The following SGK1 variants were observed in gnomAD, a reference collection of about 807,000 sequenced individuals.
The protein encoded by SGK1 is serum/glucocorticoid regulated kinase 1, also known as serine/threonine-protein kinase Sgk1.
A neutral mutation model predicts 64.2 loss-of-function variants in SGK1; 26 were observed. That is an observed-to-expected ratio of 0.40 (90% CI 0.30 to 0.56). The LOEUF is 0.56. SGK1 is among the 20% of genes least tolerant of loss of function. The pLI is 0.38. For missense variants in SGK1, 519 were observed against 645.6 expected, an observed-to-expected ratio of 0.80 and a Z score of 2.12; for synonymous variants, 265 against 239.7, an observed-to-expected ratio of 1.11 and a Z score of -0.98.
At chr6:134,170,482 C>T in intron 13 of SGK1, 47 bp from the exon 14 acceptor site, 1 of 1,552,332 alleles carries the variant, frequency 6.4e-7, no homozygotes, top group Non-Finnish European at 8.8e-7. Flanking sequence ...TCACACTAGA[C>T]ACAGGACAGG....
At chr6:134,296,760 A>G (rs1582770447) in intron 1 of SGK1, among the ~76,000 whole-genome samples, 1 of 115,788 alleles carries the variant, frequency 8.6e-6, no homozygotes, top group Admixed American at 1.0e-4. Flanking sequence ...GAGCTAGCTG[A>G]GGTTTTATTT....
Position 134,204,854 on chromosome 6 carries a change from C to T in SGK1, c.361+2502G>A, listed in dbSNP as rs546887791. 9.5e-4 allele frequency among the ~76,000 whole-genome samples: 145 copies of T among 152,078 alleles called. 1 individual carries two copies. Among genetic ancestry groups the T allele is most frequent in the Non-Finnish European group, 1.8e-3 (123 of 67,966 alleles). ...CAGGCATGAGCCACCACACCCAGCC[C>T]GTAACATAATTTATTTAGGCTTCAA... On this transcript the variant is annotated intron_variant, in intron 3 of 13. Transcript: ENST00000367858.
chr6:134,302,903 C>T (rs942593200), intron 1 of SGK1, among the ~76,000 whole-genome samples: 8 of 151,798 alleles, frequency 5.3e-5, no homozygotes, highest in Admixed American at 2.6e-4. Context: ...TACAGGTGTG[C>T]GCTATCATGC....
chr6:134,288,879 C>T lies in SGK1; in HGVS notation c.70-26731G>A, dbSNP rs79583501. 9.8e-3 allele frequency among the ~76,000 whole-genome samples: 1,486 copies of T among 152,320 alleles called. 36 individuals carry two copies. Among genetic ancestry groups the T allele is most frequent in the African/African-American group, 0.034 (1,415 of 41,560 alleles). ...GAAACCACATTTTTATTCCATCACTCATAAAGCATCATTCATAATAATCAG... is the reference window on the plus strand; with the variant it reads ...GAAACCACATTTTTATTCCATCACTTATAAAGCATCATTCATAATAATCAG... On this transcript the variant is annotated intron_variant, in intron 1 of 13. Transcript: ENST00000367858.
rs112763411 is a variant in SGK1 at position 134,212,044 on chromosome 6, T to C, written c.286-4613A>G. ...CTTGAAACTTTGGTTCCTGTTTTTT[T>C]GTTTTTTGTTTTTTGTTTTTTTTGG... On this transcript the variant is annotated intron_variant, in intron 2 of 13. Coordinates refer to ENST00000367858, the MANE Select transcript of SGK1 (RefSeq NM_001143676.3). 1.6e-4 allele frequency among the ~76,000 whole-genome samples: 15 copies of C among 91,424 alleles called. 1 individual carries two copies. In the East Asian group the frequency reaches 2.0e-3, roughly 12 times the overall value. 60.0% of individuals were successfully genotyped at this position (91,424 alleles called of 152,430 possible).
rs765871080 is a variant in SGK1, at chr6:134,173,325, C to CACTTCT, written c.645_650dup (p.Glu216_Val217dup). ...TCTGTAAAACTTTGACTGCATAGAA[C>CACTTCT]ACTTCTTCTGCCTTGTGTCTTGCTA... On this transcript the variant is annotated inframe_insertion, in exon 7 of 14. Transcript: ENST00000367858. 1 of 1,613,778 alleles carries CACTTCT rather than the reference C, an allele frequency of 6.2e-7. No homozygotes were observed. The highest frequency in any genetic ancestry group is 1.1e-5 in the South Asian group (1 of 91,064).
At chr6:134,206,337 TGA>T (rs374637048) in intron 3 of SGK1, among the ~76,000 whole-genome samples, 68,478 of 111,428 alleles carry the variant, frequency 0.61, 20,309 homozygotes, top group Non-Finnish European at 0.68. Context: ...CTGTACCTGA[TGA>T]TATATATATA....
At chr6:134,288,236 A>G (rs968221399) in intron 1 of SGK1, among the ~76,000 whole-genome samples, 6 of 152,234 alleles carry the variant, frequency 3.9e-5, no homozygotes, top group African/African-American at 9.6e-5. Context: ...AATTCTTTCC[A>G]TACTTAAACT....
At chr6:134,192,037 G>T in intron 3 of SGK1, among the ~76,000 whole-genome samples, 1 of 151,782 alleles carries the variant, frequency 6.6e-6, no homozygotes, top group East Asian at 1.9e-4. Flanking sequence ...CACCATGTTG[G>T]CCAGAATGGT....
intron 2 of SGK1, among the ~76,000 whole-genome samples, chr6:134,247,401 T>C (rs1349483381): frequency 6.6e-6 from 1 of 152,108 alleles, no homozygotes; most frequent in Non-Finnish European, 1.5e-5. Flanking sequence ...GGGCCTCCCG[T>C]AAAATTTACC....
rs531664152 is a variant in SGK1, at chr6:134,171,646, C to T, written c.1158G>A (p.Leu386=). 2 of 1,612,052 alleles carry T rather than the reference C, an allele frequency of 1.2e-6. No individual in the cohort carries two copies. The highest frequency in any genetic ancestry group is 2.2e-5 in the East Asian group (1 of 44,880). ...CCAATGTGCCACTCACCAGGCCATA[C>T]AGCATCTCATACAAGACAGCTCCCA... is the stretch of plus-strand genomic sequence containing the variant. ...WCLGAVLYEM[L]YGLPPFYSRN... Residue 386 remains leucine, a synonymous_variant, in exon 11 of 14, where the codon CTG becomes CTA. Transcript: ENST00000367858.
chr6:134,188,173 G>GT (rs1302699452), intron 3 of SGK1, among the ~76,000 whole-genome samples: 13 of 152,144 alleles, frequency 8.5e-5, no homozygotes, highest in Non-Finnish European at 1.8e-4. Flanking sequence ...CCCCTCTACT[G>GT]AGGTCACCCT....
intron 2 of SGK1, among the ~76,000 whole-genome samples, chr6:134,225,352 G>A (rs1763495): frequency 0.94 from 135,031 of 144,344 alleles, 63,119 homozygotes; most frequent in East Asian, 0.99. Flanking sequence ...CTCCATCTCG[G>A]AAAAAAAAAA....
chr6:134,173,597 T>A, intron 5 of SGK1, 31 bp from the exon 6 acceptor site: 4 of 1,428,916 alleles, frequency 2.8e-6, no homozygotes, highest in African/African-American at 1.4e-5. Flanking sequence ...TTTCTTTTAA[T>A]ACCATTGCTT....
chr6:134,264,485 T>C (rs1470457241), intron 1 of SGK1, among the ~76,000 whole-genome samples: 2 of 152,164 alleles, frequency 1.3e-5, no homozygotes, highest in Non-Finnish European at 2.9e-5. Context: ...GTGCTTGAAA[T>C]TTATTTTGAT....
At chr6:134,269,476 T>C (rs913315184) in intron 1 of SGK1, among the ~76,000 whole-genome samples, 1 of 146,884 alleles carries the variant, frequency 6.8e-6, no homozygotes, top group Admixed American at 7.0e-5. Context: ...CTGGCCAACA[T>C]GGTGAAACCC....
At chr6:134,254,739 A>C (rs796880516) in intron 2 of SGK1, among the ~76,000 whole-genome samples, 16 of 152,340 alleles carry the variant, frequency 1.1e-4, no homozygotes, top group African/African-American at 3.8e-4. Flanking sequence ...ATAGATAAAC[A>C]CACATATATA....
intron 2 of SGK1, among the ~76,000 whole-genome samples, chr6:134,227,230 A>G (rs1363880295): frequency 6.6e-6 from 1 of 151,412 alleles, no homozygotes; most frequent in African/African-American, 2.4e-5. Flanking sequence ...CGCCTCCCAG[A>G]TTCAAGTGAT....
At position 134,219,442 on chromosome 6, in the gene SGK1, T is replaced by C. The variant is rs149877590; in HGVS notation, c.286-12011A>G. On this transcript the variant is annotated intron_variant, in intron 2 of 13. Transcript: ENST00000367858. The stretch of plus-strand genomic sequence containing the variant: ...TGAGATTCTATGCCAGGCCAAGATA[T>C]CTAGATTGTTTGCATTCTATATCAA... 3.6e-3 allele frequency among the ~76,000 whole-genome samples: 541 copies of C among 152,216 alleles called. 8 individuals are homozygous for C. Among genetic ancestry groups the C allele is most frequent in the African/African-American group, 0.013 (521 of 41,536 alleles).
Sources: gnomAD v4.1 joint callset for allele counts (sites outside exome capture counted in the v4.1 genomes callset) on GRCh38, gnomAD v4.1.1 for gene constraint, MANE v1.5 for transcripts, NCBI Gene and HGNC (gene_info 2026-07-23, HGNC 2026-07-21) for gene names.